LRP5: variants seen among roughly 807,000 people sequenced by gnomAD.
The protein encoded by LRP5 is low-density lipoprotein receptor-related protein 5.
In LRP5, 62 loss-of-function variants were observed where a neutral mutation model predicts 154.1. The ratio of observed to expected loss-of-function variants is 0.40; its 90% CI spans 0.33 to 0.50. The LOEUF is 0.50. Ranked by LOEUF, LRP5 falls within the 20% of genes least tolerant of loss-of-function variation. The pLI, the probability that LRP5 is intolerant of heterozygous loss-of-function variation, is 0.55. For synonymous variants in LRP5, 966 were observed against 1,011.5 expected (o/e 0.96, Z 0.85); for missense variants, 1,915 against 2,336.7 (o/e 0.82, Z 3.72).
intron 22 of LRP5, among the ~76,000 whole-genome samples, chr11:68,446,754 C>A (rs1231104522): frequency 6.6e-6 from 1 of 152,224 alleles, no homozygotes; most frequent in African/African-American, 2.4e-5. Flanking sequence ...AGCAGAACTC[C>A]ACGTTCTGAG....
chr11:68,392,820 C>T lies in LRP5; in HGVS notation c.1584+2768C>T, dbSNP rs140597653. ...TTTTCCAGATTCACCCACACATTGT[C>T]GCACGTTATCAGAACCTCATTCCTG... On this transcript the variant is annotated intron_variant, in intron 7 of 22. Transcript: ENST00000294304. Among the ~76,000 whole-genome samples the T allele has an allele frequency of 4.7e-3, 715 of 152,250 alleles. 4 individuals carry two copies. The highest frequency in any genetic ancestry group is 0.017 in the African/African-American group (692 of 41,542).
At chr11:68,411,983 A>C (rs913593462) in intron 11 of LRP5, among the ~76,000 whole-genome samples, 4 of 152,172 alleles carry the variant, frequency 2.6e-5, no homozygotes, top group Non-Finnish European at 4.4e-5. Flanking sequence ...CTTAGGTCAC[A>C]TAGCTGGTGA....
chr11:68,301,166 A>G, the LRP5 span, among the ~76,000 whole-genome samples: 4 of 149,374 alleles, frequency 2.7e-5, no homozygotes, highest in African/African-American at 9.7e-5. Context: ...TCCTGGCCTC[A>G]GGTGATCCGC....
At chr11:68,333,255 G>A (rs1205662589) in intron 1 of LRP5, among the ~76,000 whole-genome samples, 2 of 152,204 alleles carry the variant, frequency 1.3e-5, no homozygotes, top group Admixed American at 6.5e-5. Context: ...GCGAGCCTGG[G>A]TGTTTCCTGT....
intron 21 of LRP5, among the ~76,000 whole-genome samples, chr11:68,441,503 T>C (rs991925651): frequency 6.6e-6 from 1 of 152,160 alleles, no homozygotes; most frequent in African/African-American, 2.4e-5. Context: ...CTGGCTTTGT[T>C]TAGGGACAAA....
chr11:68,411,722 C>T (rs2098659697), intron 11 of LRP5, 102 bp downstream of exon 11: 1 of 1,273,166 alleles, frequency 7.9e-7, no homozygotes, highest in South Asian at 1.4e-5. Flanking sequence ...GCAAGTTCCC[C>T]AACCTGGCAG....
chr11:68,408,724 T>G (rs2098657153), intron 9 of LRP5, among the ~76,000 whole-genome samples: 1 of 152,070 alleles, frequency 6.6e-6, no homozygotes, highest in African/African-American at 2.4e-5. Context: ...AGATGTTTGC[T>G]TTTAGGCTTA....
chr11:68,341,581 C>T (rs775197541), intron 1 of LRP5, among the ~76,000 whole-genome samples: 5 of 152,104 alleles, frequency 3.3e-5, no homozygotes, highest in East Asian at 3.9e-4. Flanking sequence ...GGCTGTGAAA[C>T]GAGAGACCTT....
In LRP5 at chr11:68,423,536, G is replaced by C. The variant is rs766057993; in HGVS notation, c.3075G>C (p.Gln1025His). 3 of 1,614,114 alleles carry C rather than the reference G, an allele frequency of 1.9e-6. No individual in the cohort carries two copies. In the South Asian group the frequency reaches 3.3e-5, roughly 18 times the overall value. Residue 1025 changes from glutamine (Q) to histidine (H), a missense_variant, in exon 14 of 23, where the codon CAG becomes CAC. This residue lies in a region of LRP5 where 1,094 missense variants were observed against 1,210.1 expected (regional missense o/e 0.90). Coordinates refer to ENST00000294304, the MANE Select transcript of LRP5 (RefSeq NM_002335.4). The surrounding 1 kb of genome is among the most constrained non-coding windows in gnomAD (Gnocchi z 4.7). ...SLSQGQNPDR[Q>H]PHDLSIDIYS... is the part of the protein sequence containing the mutation. ...GCCAAGGCCAAAACCCAGACAGGCAGCCCCACGACCTCAGCATCGACATCT... is the reference window on the plus strand; with the variant it reads ...GCCAAGGCCAAAACCCAGACAGGCACCCCCACGACCTCAGCATCGACATCT...
chr11:68,429,577 G>C lies in LRP5; in HGVS notation c.3640G>C (p.Ala1214Pro). The change falls in exon 17 of 23, where the codon GCC (alanine) becomes CCC (proline). Residue 1214 changes from alanine to proline, a missense_variant and splice_region_variant. Physicochemically the swap from Ala to Pro is conservative, Grantham distance 27. Around this residue, in one of 3 missense-constraint regions of LRP5, gnomAD observed 1,094 missense variants for 1,210.1 expected, o/e 0.90. Transcript: ENST00000294304. ...TTTGTCTTGTTTTGTCTTTGCAGCA[G>C]CCCACCCATGTGCCCGTGACAATGG... is the stretch of plus-strand genomic sequence containing the variant. ...VEEVSLEEFS[A>P]HPCARDNGGC... 6.2e-7 allele frequency: 1 copy of C among 1,614,100 alleles called. No individual in the cohort carries two copies. Among genetic ancestry groups the C allele is most frequent in the Non-Finnish European group, 8.5e-7 (1 of 1,180,034 alleles).
rs1290022083 is a variant in LRP5, at chr11:68,386,542, G to A, written c.1242G>A (p.Glu414=). Residue 414 remains glutamate (E), a synonymous_variant, in exon 6 of 23, where the codon GAG becomes GAA. Transcript: ENST00000294304. This position sits in a 1 kb window ranked among gnomAD's most constrained non-coding sequence, Gnocchi z 7.9. The part of the protein sequence containing the change: ...GSGAQTLVNT[E]INDPDGIAVD... ...GGGCGCAGACGCTGGTCAACACCGA[G>A]ATCAACGACCCCGATGGCATCGCGG... is the stretch of plus-strand genomic sequence containing the variant. The A allele has an allele frequency of 1.9e-6, 3 of 1,613,902 alleles. No homozygotes were observed. The highest frequency in any genetic ancestry group is 1.6e-4 in the Middle Eastern group (1 of 6,062).
chr11:68,430,909 C>T (rs559084919), intron 17 of LRP5, among the ~76,000 whole-genome samples: 8 of 152,290 alleles, frequency 5.3e-5, no homozygotes, highest in African/African-American at 1.9e-4. Flanking sequence ...TGTGAGCCTC[C>T]ACTTCCTCCT....
intron 18 of LRP5, among the ~76,000 whole-genome samples, chr11:68,434,428 G>A (rs1286985866): frequency 6.6e-6 from 1 of 152,010 alleles, no homozygotes; most frequent in Non-Finnish European, 1.5e-5. Context: ...CACCCAGGCT[G>A]GAGTGCCCTG....
intron 1 of LRP5, among the ~76,000 whole-genome samples, chr11:68,344,098 C>T (rs138755335): frequency 6.6e-5 from 10 of 152,182 alleles, no homozygotes; most frequent in African/African-American, 2.4e-4. Flanking sequence ...GTGCATCGCC[C>T]GCAGGCTGGG....
intron 21 of LRP5, among the ~76,000 whole-genome samples, chr11:68,444,899 G>C (rs1024095054): frequency 2.0e-5 from 3 of 151,878 alleles, no homozygotes; most frequent in Non-Finnish European, 4.4e-5. Flanking sequence ...CAACGTTGGG[G>C]TCAAATCCTG....
intron 19 of LRP5, 68 bp from the exon 20 acceptor site, chr11:68,438,378 C>A: frequency 1.4e-6 from 2 of 1,411,086 alleles, no homozygotes; most frequent in African/African-American, 1.4e-5. Flanking sequence ...CGCACGGTGT[C>A]TGCCCCCAAG....
intron 3 of LRP5, among the ~76,000 whole-genome samples, chr11:68,363,438 C>T (rs1276296470): frequency 1.3e-5 from 2 of 152,176 alleles, no homozygotes; most frequent in East Asian, 1.9e-4. Flanking sequence ...GGGTGGATCA[C>T]CTGAGGTCAG....
At chr11:68,348,305 G>A (rs1220755409) in intron 2 of LRP5, 62 bp downstream of exon 2, 37 of 1,586,316 alleles carry the variant, frequency 2.3e-5, no homozygotes, top group Middle Eastern at 3.3e-4. Flanking sequence ...TCTCTCTCTC[G>A]AATTTGCATG....
At chr11:68,359,917 G>T (rs2098626311) in intron 3 of LRP5, among the ~76,000 whole-genome samples, 1 of 151,964 alleles carries the variant, frequency 6.6e-6, no homozygotes, top group Non-Finnish European at 1.5e-5. Context: ...CTCCCAAGTA[G>T]CTGGGATTAC....
Sources: allele counts gnomAD v4.1 joint callset (sites outside exome capture counted in the v4.1 genomes callset), GRCh38; gene constraint gnomAD v4.1.1; regional missense constraint gnomAD v4.1.1; non-coding constraint Gnocchi (gnomAD v3.1); transcripts MANE v1.5; gene names NCBI Gene and HGNC (gene_info 2026-07-23, HGNC 2026-07-21).